The following SLC8B1 variants were observed in gnomAD, a reference collection of about 807,000 sequenced individuals.
SLC8B1 encodes the protein solute carrier family 8 member B1.
SLC8B1 carries 52 observed loss-of-function variants against 63.4 expected under a neutral mutation model. The observed-to-expected ratio is 0.82, with a 90% CI of 0.66 to 1.03. The LOEUF is 1.03. Among genes scored for constraint, SLC8B1 ranks in the 50% least tolerant of loss-of-function variants. The pLI, the probability that SLC8B1 is intolerant of heterozygous loss-of-function variation, is 0.00. For missense variants in SLC8B1, 657 were observed against 741.7 expected, an observed-to-expected ratio of 0.89 and a Z score of 1.33; for synonymous variants, 336 against 323.9, an observed-to-expected ratio of 1.04 and a Z score of -0.40.
At chr12:113,322,264 G>A (rs1255367076) in intron 2 of SLC8B1, among the ~76,000 whole-genome samples, 2 of 152,144 alleles carry the variant, frequency 1.3e-5, no homozygotes, top group Non-Finnish European at 1.5e-5. Flanking sequence ...AACAGTTAAG[G>A]AGACTGAGAC....
chr12:113,307,977 A>G (rs998358277), intron 12 of SLC8B1, 133 bp from the exon 13 acceptor site: 11 of 1,051,584 alleles, frequency 1.0e-5, no homozygotes, highest in Non-Finnish European at 1.3e-5. Context: ...ACACGTTACT[A>G]TATGCATTGG....
intron 10 of SLC8B1, among the ~76,000 whole-genome samples, chr12:113,315,999 C>T (rs1196822830): frequency 1.3e-5 from 2 of 152,112 alleles, no homozygotes; most frequent in East Asian, 1.9e-4. Context: ...CCGAGGCGGG[C>T]GGATCACGAG....
rs1009731674 is a variant in SLC8B1, at chr12:113,320,344, C to T, written c.681G>A (p.Leu227=). The T allele has an allele frequency of 1.2e-6, 2 of 1,613,980 alleles. No homozygotes were observed. The highest frequency in any genetic ancestry group is 1.3e-5 in the African/African-American group (1 of 74,932). The change falls in exon 7 of 16, where the codon CTG becomes CTA. Residue 227 remains leucine, a synonymous_variant. Coordinates refer to ENST00000680972, the MANE Select transcript of SLC8B1 (RefSeq NM_001358345.2). The surrounding 1 kb of genome is among the most constrained non-coding windows in gnomAD (Gnocchi z 5.3). ...FLMLFRGRVT[L]AWALGYLGLY... is the part of the protein sequence containing the mutation. ...AGAGCTGCTCACCCAGAGCCCATGC[C>T]AGGGTGACCCTGCCACGGAAGAGCA...
At chr12:113,332,585 A>G in intron 2 of SLC8B1, 138 bp downstream of exon 2, 2 of 1,024,706 alleles carry the variant, frequency 2.0e-6, no homozygotes, top group South Asian at 1.7e-5. Context: ...TCTTGAGAGT[A>G]GTGAATTTTG....
At chr12:113,332,662 A>T in intron 2 of SLC8B1, 61 bp downstream of exon 2, 1 of 1,546,784 alleles carries the variant, frequency 6.5e-7, no homozygotes, top group Non-Finnish European at 8.7e-7. Flanking sequence ...TGCTCAATAG[A>T]TATTTATCGA....
chr12:113,310,208 C>T (rs373963566), intron 12 of SLC8B1, 26 bp downstream of exon 12: 12 of 1,609,198 alleles, frequency 7.5e-6, no homozygotes, highest in Admixed American at 1.7e-5. Flanking sequence ...CCTCCCCCCC[C>T]ATCTCGGAGA....
Position 113,304,432 on chromosome 12 carries a change from C to T in SLC8B1, c.1493-47G>A, listed in dbSNP as rs772559015. ...TTTGCTGGAATGGCCTGCACATAACCCAACCACATAGCCCGTTCCTCCTAC... is the reference window on the plus strand; with the variant it reads ...TTTGCTGGAATGGCCTGCACATAACTCAACCACATAGCCCGTTCCTCCTAC... On this transcript the variant is annotated intron_variant, in intron 14 of 15. Transcript: ENST00000680972. The T allele has an allele frequency of 3.2e-6, 5 of 1,551,786 alleles. No individual in the cohort carries two copies. In the African/African-American group the frequency reaches 6.8e-5, roughly 21 times the overall value.
intron 2 of SLC8B1, among the ~76,000 whole-genome samples, chr12:113,325,847 G>A (rs1292657677): frequency 1.3e-5 from 2 of 152,344 alleles, no homozygotes; most frequent in Admixed American, 6.5e-5. Flanking sequence ...ACAGGCGTGA[G>A]CCACCGCGCC....
chr12:113,318,844 G>T, intron 8 of SLC8B1, 120 bp downstream of exon 8: 1 of 711,290 alleles, frequency 1.4e-6, no homozygotes, highest in Middle Eastern at 3.8e-4. Flanking sequence ...AGTAGAAAGA[G>T]CATGAAGAGG....
intron 8 of SLC8B1, among the ~76,000 whole-genome samples, chr12:113,317,795 G>A (rs991229656): frequency 1.1e-4 from 17 of 151,516 alleles, no homozygotes; most frequent in African/African-American, 4.2e-4. Context: ...GTGTATGTGA[G>A]TGTATTTGTG....
rs920222049 is a variant in SLC8B1 at position 113,299,438 on chromosome 12, G to T, written c.*339C>A. 3 of 317,676 alleles carry T rather than the reference G, an allele frequency of 9.4e-6. No homozygotes were observed. Among genetic ancestry groups the T allele is most frequent in the South Asian group, 9.1e-5 (3 of 33,110 alleles). The allele number at this position is 317,676 out of a possible 1,614,324, so 19.7% of individuals were successfully genotyped here. A position where few individuals can be genotyped will look rare whatever the true frequency, so the allele number is the denominator to read the frequency against. Reference sequence around the variant, plus strand: ...GTGCCTCGGGGGTACCTCCAGCATGGCCTGGAGCACATCCAGCCATCCCCT... The same window carrying T: ...GTGCCTCGGGGGTACCTCCAGCATGTCCTGGAGCACATCCAGCCATCCCCT... On this transcript the variant is annotated 3_prime_UTR_variant, in exon 16 of 16. Transcript: ENST00000680972.
chr12:113,319,166 G>A (rs942918180), intron 7 of SLC8B1, 95 bp from the exon 8 acceptor site: 2 of 935,586 alleles, frequency 2.1e-6, no homozygotes, highest in African/African-American at 3.3e-5. Flanking sequence ...TGTTAGCGGT[G>A]GCAATCTGTG....
At chr12:113,316,887 C>A (rs77481393) in intron 9 of SLC8B1, 55 bp downstream of exon 9, 2 of 1,585,056 alleles carry the variant, frequency 1.3e-6, no homozygotes, top group African/African-American at 2.7e-5. Flanking sequence ...CATCTTTCCA[C>A]CCCCAGCCTT....
intron 13 of SLC8B1, among the ~76,000 whole-genome samples, chr12:113,307,130 A>C (rs953024114): frequency 2.8e-5 from 4 of 142,704 alleles, no homozygotes; most frequent in African/African-American, 1.1e-4. Flanking sequence ...AAAAAAAAAA[A>C]AAAAAAAAAA....
At chr12:113,330,052 G>A (rs919225869) in intron 2 of SLC8B1, among the ~76,000 whole-genome samples, 1 of 152,122 alleles carries the variant, frequency 6.6e-6, no homozygotes, top group African/African-American at 2.4e-5. Context: ...CATGTCCTCA[G>A]AGAGGCCTTC....
In SLC8B1 at chr12:113,320,274, C is replaced by T; in HGVS notation, c.694+57G>A. 1.3e-6 allele frequency: 2 copies of T among 1,587,024 alleles called. No homozygotes were observed. The highest frequency in any genetic ancestry group is 1.7e-6 in the Non-Finnish European group (2 of 1,165,922). On this transcript the variant is annotated intron_variant, in intron 7 of 15. Coordinates refer to ENST00000680972, the MANE Select transcript of SLC8B1 (RefSeq NM_001358345.2). This position sits in a 1 kb window ranked among gnomAD's most constrained non-coding sequence, Gnocchi z 5.3. ...CACACCTCTCTGTCCCAGGCACCTC[C>T]TAAACCTCCTGCCCATCAGCCCTGG...
Position 113,321,325 on chromosome 12 carries a change from A to G in SLC8B1, c.180T>C (p.Asn60=). The G allele has an allele frequency of 6.2e-7, 1 of 1,614,170 alleles. No individual in the cohort carries two copies. The highest frequency in any genetic ancestry group is 8.5e-7 in the Non-Finnish European group (1 of 1,180,036). ...GGATGAAGTCACAGCGGTCAGAGAC[A>G]TTCAGGCCACACACCTTGCGGCACT... is the stretch of plus-strand genomic sequence containing the variant. The part of the protein sequence containing the change: ...VVDCRKVCGL[N]VSDRCDFIRT... The change falls in exon 3 of 16, where the codon AAT becomes AAC. Residue 60 remains asparagine, a synonymous_variant. Coordinates refer to ENST00000680972, the MANE Select transcript of SLC8B1 (RefSeq NM_001358345.2).
intron 14 of SLC8B1, 110 bp downstream of exon 14, chr12:113,306,385 C>A: frequency 1.1e-6 from 1 of 887,736 alleles, no homozygotes. Context: ...AGCCACATTA[C>A]CTGCCCCAGG....
At chr12:113,311,542 T>C (rs976772867) in intron 11 of SLC8B1, among the ~76,000 whole-genome samples, 2 of 151,192 alleles carry the variant, frequency 1.3e-5, no homozygotes, top group African/African-American at 4.9e-5. Flanking sequence ...ATCACTTGAG[T>C]CCCGGGAGGT....
Sources: gnomAD v4.1 joint callset for allele counts (sites outside exome capture counted in the v4.1 genomes callset) on GRCh38, gnomAD v4.1.1 for gene constraint, Gnocchi (gnomAD v3.1) non-coding constraint, MANE v1.5 for transcripts, NCBI Gene and HGNC (gene_info 2026-07-23, HGNC 2026-07-21) for gene names.